Variants in SLC30A6 observed in about 807,000 individuals in gnomAD.
SLC30A6 encodes the protein zinc transporter 6.
Under a neutral mutation model 63.0 loss-of-function variants are expected in SLC30A6, and 55 were observed. That is an observed-to-expected ratio of 0.87 (90% CI 0.70 to 1.09). The LOEUF is 1.09. Among genes scored for constraint, SLC30A6 ranks in the 50% least tolerant of loss-of-function variants. The pLI is 0.00. For missense variants in SLC30A6, 587 were observed against 549.2 expected (o/e 1.07, Z -0.69); for synonymous variants, 224 against 186.1 (o/e 1.20, Z -1.66).
intron 13 of SLC30A6, among the ~76,000 whole-genome samples, chr2:32,218,083 G>C (rs1685860168): frequency 6.6e-6 from 1 of 151,938 alleles, no homozygotes; most frequent in South Asian, 2.1e-4. Flanking sequence ...GTGTGTGTTT[G>C]TGTTAACCAA....
At chr2:32,202,599 G>A (rs1403676061) in intron 10 of SLC30A6, 4 of 438,226 alleles carry the variant, frequency 9.1e-6, no homozygotes, top group South Asian at 4.1e-5. Flanking sequence ...CCAAAGTGCT[G>A]GGATTGCAGG....
At chr2:32,171,140 A>C in intron 1 of SLC30A6, 147 bp from the exon 2 acceptor site, 1 of 563,648 alleles carries the variant, frequency 1.8e-6, no homozygotes, top group Non-Finnish European at 3.1e-6. Context: ...ATAAATACAC[A>C]TAAAGTGTCT....
intron 1 of SLC30A6, 69 bp downstream of exon 1, chr2:32,165,972 G>A: frequency 1.2e-6 from 2 of 1,610,856 alleles, no homozygotes; most frequent in East Asian, 2.2e-5. Context: ...GTCCCGAAGC[G>A]ACCTTGAAAT....
chr2:32,210,530 AAAAAAAAACAACAG>A (rs932436870), intron 13 of SLC30A6, among the ~76,000 whole-genome samples: 3 of 151,760 alleles, frequency 2.0e-5, no homozygotes, highest in African/African-American at 7.2e-5. Flanking sequence ...AAAAAAAAAA[AAAAAAAAACAACAG>A]AAAATGAGAT....
chr2:32,220,137 TA>T, intron 13 of SLC30A6, 75 bp from the exon 14 acceptor site: 1 of 1,474,972 alleles, frequency 6.8e-7, no homozygotes, highest in South Asian at 1.4e-5. Flanking sequence ...AAATCATAAA[TA>T]AAATGTTTTA....
intron 4 of SLC30A6, among the ~76,000 whole-genome samples, chr2:32,175,951 C>A (rs865846022): frequency 2.0e-5 from 3 of 152,046 alleles, no homozygotes; most frequent in Non-Finnish European, 4.4e-5. Context: ...CCAGCCTGGG[C>A]AACGAGCGAA....
chr2:32,205,662 CTTTTTTTTT>C (rs745414068), intron 11 of SLC30A6, among the ~76,000 whole-genome samples: 1 of 87,198 alleles, frequency 1.1e-5, no homozygotes, highest in Non-Finnish European at 2.1e-5. Context: ...AATGTTACTT[CTTTTTTTTT>C]TTTTTTTTTT....
At chr2:32,202,569 G>C (rs924414859) in intron 10 of SLC30A6, 24 of 383,470 alleles carry the variant, frequency 6.3e-5, no homozygotes, top group South Asian at 5.2e-4. Flanking sequence ...CTGACCTTGT[G>C]ATCTGCCCAT....
rs1397001111 is a variant in SLC30A6, at chr2:32,223,748, G to A, written c.*3035G>A. The stretch of plus-strand genomic sequence containing the variant: ...TACTTAAATATATTTAGATGAGAGA[G>A]TTCTCTTAGACTTCTTTCTTTGTAA... On this transcript the variant is annotated 3_prime_UTR_variant, in exon 14 of 14. Coordinates refer to ENST00000282587, the MANE Select transcript of SLC30A6 (RefSeq NM_017964.5). The A allele has an allele frequency of 6.6e-6, 1 of 152,130 alleles. No homozygotes were observed. Among genetic ancestry groups the A allele is most frequent in the African/African-American group, 2.4e-5 (1 of 41,422 alleles). 9.4% of individuals were successfully genotyped at this position (152,130 alleles called of 1,614,324 possible).
intron 4 of SLC30A6, among the ~76,000 whole-genome samples, chr2:32,181,340 T>C (rs1269971035): frequency 1.3e-5 from 2 of 152,198 alleles, no homozygotes; most frequent in Middle Eastern, 3.2e-3. Flanking sequence ...CTAATTCAAC[T>C]GTGATGTACT....
chr2:32,224,192 C>A lies in SLC30A6; in HGVS notation c.*3479C>A. The A allele has an allele frequency of 3.6e-6, 1 of 277,978 alleles. No homozygotes were observed. The highest frequency in any genetic ancestry group is 4.9e-5 in the Admixed American group (1 of 20,492). The allele number at this position is 277,978 out of a possible 1,614,324, so 17.2% of individuals were successfully genotyped here. ...ATTTATTGAGAATATTGTTGAGAAT[C>A]TCTTACATGCCAGGCACTATACTAA... On this transcript the variant is annotated 3_prime_UTR_variant, in exon 14 of 14. Transcript: ENST00000282587.
chr2:32,219,552 G>A (rs950928702), intron 13 of SLC30A6, among the ~76,000 whole-genome samples: 1 of 151,490 alleles, frequency 6.6e-6, no homozygotes, highest in African/African-American at 2.4e-5. Flanking sequence ...CTCCTGCCTC[G>A]GTCTGCCAAG....
Position 32,220,861 on chromosome 2 carries a change from T to C in SLC30A6, c.*148T>C, listed in dbSNP as rs1431465002. 5.4e-6 allele frequency: 4 copies of C among 743,420 alleles called. No homozygotes were observed. Among genetic ancestry groups the C allele is most frequent in the Non-Finnish European group, 8.4e-6 (4 of 477,280 alleles). The allele number at this position is 743,420 out of a possible 1,614,324, so 46.1% of individuals were successfully genotyped here. On this transcript the variant is annotated 3_prime_UTR_variant, in exon 14 of 14. Coordinates refer to ENST00000282587, the MANE Select transcript of SLC30A6 (RefSeq NM_017964.5). ...ACATTTCATGAAACCTATGAAACTA[T>C]ATTTTTGTAAAATGTATTTGTGACA...
chr2:32,215,988 C>G (rs1272396195), intron 13 of SLC30A6, among the ~76,000 whole-genome samples: 2 of 152,146 alleles, frequency 1.3e-5, no homozygotes, highest in Non-Finnish European at 2.9e-5. Context: ...TGATGCCATG[C>G]CTTTGCTGTG....
In SLC30A6 at chr2:32,184,264, T is replaced by C. The variant is rs1558386463; in HGVS notation, c.219-9T>C. 2 of 1,476,454 alleles carry C rather than the reference T, an allele frequency of 1.4e-6. No individual in the cohort carries two copies. Among genetic ancestry groups the C allele is most frequent in the East Asian group, 2.4e-5 (1 of 42,104 alleles). 91.5% of individuals were successfully genotyped at this position (1,476,454 alleles called of 1,614,324 possible). A position where few individuals can be genotyped will look rare whatever the true frequency, so the allele number is the denominator to read the frequency against. ...TTCTAATACTAAATTTATTTTTCTT[T>C]TTACTTAGTTTAATGACATGTTTAA... On this transcript the variant is annotated splice_polypyrimidine_tract_variant and intron_variant, in intron 4 of 13. Transcript: ENST00000282587.
In SLC30A6 at chr2:32,193,968, G is replaced by C; in HGVS notation, c.481G>C (p.Ala161Pro). Residue 161 changes from alanine to proline, a missense_variant, in exon 8 of 14, where the codon GCT (alanine) becomes CCT (proline). By Grantham distance (27) the Ala-to-Pro change is conservative. Coordinates refer to ENST00000282587, the MANE Select transcript of SLC30A6 (RefSeq NM_017964.5). ...TMLSIRNKPF[A>P]YVSEAASTSW... is the part of the protein sequence containing the mutation. Reference sequence around the variant, plus strand: ...GCTTTCTATTCGGAATAAACCTTTTGCTTATGTCTCAGAAGGTATGTTTTT... The same window carrying C: ...GCTTTCTATTCGGAATAAACCTTTTCCTTATGTCTCAGAAGGTATGTTTTT... The C allele has an allele frequency of 1.9e-6, 3 of 1,612,300 alleles. No individual in the cohort carries two copies. Among genetic ancestry groups the C allele is most frequent in the Non-Finnish European group, 2.5e-6 (3 of 1,179,228 alleles).
rs577918869 is a variant in SLC30A6 at position 32,203,704 on chromosome 2, G to A, written c.666-886G>A. On this transcript the variant is annotated intron_variant, in intron 10 of 13. Transcript: ENST00000282587. Reference sequence around the variant, plus strand: ...AGGAAATGTGCGTGTTTGCTTTGATGTTCCTACAACTAAGTCAGAAAGGTT... The same window carrying A: ...AGGAAATGTGCGTGTTTGCTTTGATATTCCTACAACTAAGTCAGAAAGGTT... 7.2e-6 allele frequency: 11 copies of A among 1,536,786 alleles called. No homozygotes were observed. In the East Asian group the frequency reaches 2.5e-4, roughly 35 times the overall value.
rs1684499371 is a variant in SLC30A6 at position 32,203,765 on chromosome 2, C to T, written c.666-825C>T. 5 of 1,500,884 alleles carry T rather than the reference C, an allele frequency of 3.3e-6. No homozygotes were observed. In the Admixed American group the frequency reaches 5.0e-5, roughly 15 times the overall value. 93.0% of individuals were successfully genotyped at this position (1,500,884 alleles called of 1,614,324 possible). ...TGGCATGATTCCGACTGGATATTCT[C>T]AGTGCCAGCCAAATTACCTGAAATT... is the stretch of plus-strand genomic sequence containing the variant. On this transcript the variant is annotated intron_variant, in intron 10 of 13. Transcript: ENST00000282587.
chr2:32,167,258 A>G (rs903849357), intron 1 of SLC30A6, among the ~76,000 whole-genome samples: 2 of 152,026 alleles, frequency 1.3e-5, no homozygotes, highest in Admixed American at 6.6e-5. Flanking sequence ...TATTTTTAGT[A>G]GAGACGGGGT....
Sources: allele counts gnomAD v4.1 joint callset (sites outside exome capture counted in the v4.1 genomes callset), GRCh38; gene constraint gnomAD v4.1.1; transcripts MANE v1.5; gene names NCBI Gene and HGNC (gene_info 2026-07-23, HGNC 2026-07-21).